CPEB1: variants seen among roughly 807,000 people sequenced by gnomAD.
CPEB1 encodes the protein cytoplasmic polyadenylation element-binding protein 1.
In CPEB1, 7 loss-of-function variants were observed where a neutral mutation model predicts 65.8. The observed-to-expected ratio is 0.11, with a 90% CI of 0.06 to 0.20. The LOEUF (loss-of-function observed/expected upper bound fraction) is 0.20. Among genes scored for constraint, CPEB1 ranks in the 10% least tolerant of loss-of-function variants. CPEB1 has a pLI of 1.00. For synonymous variants in CPEB1, 262 were observed against 260.0 expected, an observed-to-expected ratio of 1.01 and a Z score of -0.08; for missense variants, 551 against 712.2, an observed-to-expected ratio of 0.77 and a Z score of 2.58.
intron 3 of CPEB1, among the ~76,000 whole-genome samples, chr15:82,605,932 G>A (rs2043543770): frequency 6.6e-6 from 1 of 152,106 alleles, no homozygotes; most frequent in Non-Finnish European, 1.5e-5. Context: ...CCGTTACCCG[G>A]GAGGCTGGGA....
At chr15:82,559,631 A>C (rs1005402733) in intron 4 of CPEB1, among the ~76,000 whole-genome samples, 3 of 152,198 alleles carry the variant, frequency 2.0e-5, no homozygotes, top group African/African-American at 7.2e-5. Flanking sequence ...TCCAGCAAGG[A>C]GTTAGTTTAG....
At chr15:82,598,217 T>C (rs1466790747) in intron 3 of CPEB1, among the ~76,000 whole-genome samples, 1 of 152,222 alleles carries the variant, frequency 6.6e-6, no homozygotes, top group Non-Finnish European at 1.5e-5. Context: ...GGCTCACGCC[T>C]GTAATCCTAG....
chr15:82,634,221 C>T (rs2151352598), intron 1 of CPEB1, among the ~76,000 whole-genome samples: 1 of 150,702 alleles, frequency 6.6e-6, no homozygotes, highest in South Asian at 2.1e-4. Flanking sequence ...AGAAGTATCA[C>T]TCATAACTTT....
intron 4 of CPEB1, among the ~76,000 whole-genome samples, chr15:82,568,328 C>T (rs1313838727): frequency 6.6e-6 from 1 of 152,148 alleles, no homozygotes; most frequent in Non-Finnish European, 1.5e-5. Context: ...TTCTGTTCCA[C>T]TACAGATCTT....
At chr15:82,642,165 C>T (rs1252115915) in intron 1 of CPEB1, among the ~76,000 whole-genome samples, 4 of 152,318 alleles carry the variant, frequency 2.6e-5, no homozygotes, top group East Asian at 1.9e-4. Context: ...GAAGATGAGA[C>T]GCTCTAAAGC....
intron 4 of CPEB1, among the ~76,000 whole-genome samples, chr15:82,566,558 C>T (rs1188156786): frequency 1.3e-5 from 2 of 152,190 alleles, no homozygotes; most frequent in Admixed American, 1.3e-4. Context: ...TTCCCCCCGA[C>T]TGTGGATCCC....
intron 3 of CPEB1, among the ~76,000 whole-genome samples, chr15:82,579,273 C>A (rs1463038964): frequency 3.3e-5 from 5 of 152,190 alleles, no homozygotes; most frequent in African/African-American, 1.2e-4. Context: ...ACTGCCTGGG[C>A]AACACAGGGA....
intron 3 of CPEB1, among the ~76,000 whole-genome samples, chr15:82,582,596 G>C (rs142618006): frequency 5.5e-4 from 84 of 151,610 alleles, no homozygotes; most frequent in African/African-American, 2.0e-3. Context: ...TCCCACAATG[G>C]GACACTTTCT....
At chr15:82,647,782 C>T (rs1455188277), upstream of CPEB1, 3 of 1,224,382 alleles carry the variant, frequency 2.5e-6, no homozygotes, top group African/African-American at 1.6e-5. Context: ...GGCGCCGGAC[C>T]CGGCTGCGCG....
chr15:82,599,069 A>G (rs1406245680), intron 3 of CPEB1, among the ~76,000 whole-genome samples: 1 of 152,226 alleles, frequency 6.6e-6, no homozygotes, highest in Non-Finnish European at 1.5e-5. Flanking sequence ...TCCATTGGAG[A>G]CCTTGGAAGT....
rs547595067 is a variant in CPEB1 at position 82,635,346 on chromosome 15, G to C, written c.-97-6790C>G. On this transcript the variant is annotated intron_variant, in intron 1 of 12. Coordinates refer to ENST00000684509, the MANE Select transcript of CPEB1 (RefSeq NM_001365242.1). Reference sequence around the variant, plus strand: ...GAATACATTTTCCTTATGGAAGAATGTAAGTCTTCTAGCCAAATTTCTCTA... The same window carrying C: ...GAATACATTTTCCTTATGGAAGAATCTAAGTCTTCTAGCCAAATTTCTCTA... Among the ~76,000 whole-genome samples, 32 of 152,336 alleles carry C rather than the reference G, an allele frequency of 2.1e-4. No homozygotes were observed. The South Asian group carries it at 6.2e-3, about 30-fold the overall frequency.
At chr15:82,549,427 C>T (rs963243166) in intron 10 of CPEB1, 33 bp downstream of exon 10, 9 of 1,613,536 alleles carry the variant, frequency 5.6e-6, no homozygotes, top group Non-Finnish European at 7.6e-6. Context: ...CAGGGGCCAA[C>T]CAAGCTTTCG....
At chr15:82,601,864 AAAC>A (rs776667428) in intron 3 of CPEB1, among the ~76,000 whole-genome samples, 11 of 152,238 alleles carry the variant, frequency 7.2e-5, no homozygotes, top group Non-Finnish European at 1.5e-4. Context: ...CAATAAAGCC[AAAC>A]AACAACCCTA....
chr15:82,560,593 A>G (rs189927384), intron 4 of CPEB1, among the ~76,000 whole-genome samples: 62 of 151,804 alleles, frequency 4.1e-4, no homozygotes, highest in Admixed American at 3.9e-3. Context: ...GGTAGCATCT[A>G]TGTTGCCCAG....
intron 3 of CPEB1, chr15:82,573,357 T>C (rs2040295790): frequency 3.5e-6 from 2 of 572,722 alleles, no homozygotes; most frequent in South Asian, 5.3e-5. Flanking sequence ...GGCAAAGGCC[T>C]AGCAAAAATC....
chr15:82,548,372 T>A (rs1400073995), intron 10 of CPEB1, among the ~76,000 whole-genome samples: 4 of 152,190 alleles, frequency 2.6e-5, no homozygotes, highest in Admixed American at 2.6e-4. Context: ...GTTAATAATA[T>A]TATTTCCAAA....
chr15:82,555,740 T>C (rs1258549817), intron 6 of CPEB1, 130 bp downstream of exon 6: 25 of 912,492 alleles, frequency 2.7e-5, no homozygotes, highest in Non-Finnish European at 3.9e-5. Context: ...GATAATTCTT[T>C]GCAGATCTGG....
rs1367611817 is a variant in CPEB1 at position 82,544,240 on chromosome 15, G to A, written c.*352C>T. ...TAAATAAACCTAGGTGTAGGCATCC[G>A]TGTCAATACCTCAATACCTTCTGGA... On this transcript the variant is annotated 3_prime_UTR_variant, in exon 13 of 13. Transcript: ENST00000684509. 5.8e-5 allele frequency: 12 copies of A among 205,998 alleles called. No homozygotes were observed. Among genetic ancestry groups the A allele is most frequent in the Non-Finnish European group, 1.2e-4 (12 of 103,928 alleles). 12.8% of individuals were successfully genotyped at this position (205,998 alleles called of 1,614,324 possible).
intron 3 of CPEB1, among the ~76,000 whole-genome samples, chr15:82,582,547 G>C (rs1219816747): frequency 1.3e-5 from 2 of 152,018 alleles, no homozygotes; most frequent in Non-Finnish European, 2.9e-5. Context: ...TCGATTTGTT[G>C]GTCTCAAATA....
Sources: gnomAD v4.1 joint callset for allele counts (sites outside exome capture counted in the v4.1 genomes callset) on GRCh38, gnomAD v4.1.1 for gene constraint, MANE v1.5 for transcripts, NCBI Gene and HGNC (gene_info 2026-07-23, HGNC 2026-07-21) for gene names.